TBC1D4: variants seen among roughly 807,000 people sequenced by gnomAD.
TBC1D4 encodes TBC1 domain family member 4, also known as TBC (Tre-2, BUB2, CDC16) domain-containing protein.
A neutral mutation model predicts 142.5 loss-of-function variants in TBC1D4; 121 were observed. The observed-to-expected ratio is 0.85, with a 90% CI of 0.73 to 0.99. The LOEUF is 0.99. TBC1D4 is among the 50% of genes least tolerant of loss of function. The pLI, the probability that TBC1D4 is intolerant of heterozygous loss-of-function variation, is 0.00. For synonymous variants in TBC1D4, 630 were observed against 628.2 expected, an observed-to-expected ratio of 1.00 and a Z score of -0.04; for missense variants, 1,475 against 1,606.6, an observed-to-expected ratio of 0.92 and a Z score of 1.40.
At chr13:75,451,854 A>G (rs1255094902) in intron 1 of TBC1D4, among the ~76,000 whole-genome samples, 5 of 151,470 alleles carry the variant, frequency 3.3e-5, no homozygotes, top group African/African-American at 1.2e-4. Context: ...TAAAAGGAGC[A>G]TTTAACCAAA....
chr13:75,453,731 A>G (rs1218815437), intron 1 of TBC1D4, among the ~76,000 whole-genome samples: 1 of 151,950 alleles, frequency 6.6e-6, no homozygotes, highest in Non-Finnish European at 1.5e-5. Context: ...GGGTGGTGGC[A>G]TGTGCCTGTT....
chr13:75,457,068 G>A (rs1243157823), intron 1 of TBC1D4, among the ~76,000 whole-genome samples: 1 of 151,948 alleles, frequency 6.6e-6, no homozygotes, highest in African/African-American at 2.4e-5. Context: ...ATAAAGTTCA[G>A]GCACAAGCAA....
Position 75,356,162 on chromosome 13 carries a change from A to T in TBC1D4, c.1260T>A (p.Cys420Ter). The T allele has an allele frequency of 2.5e-6, 4 of 1,613,438 alleles. No homozygotes were observed. Residue 420 changes from cysteine (C) to a stop codon, truncating the protein, a stop_gained, in exon 4 of 21, where the codon TGT becomes TGA. Coordinates refer to ENST00000377636, the MANE Select transcript of TBC1D4 (RefSeq NM_014832.5). LOFTEE classifies it high-confidence loss of function. The stretch of plus-strand genomic sequence containing the variant: ...CACTACTTACCAGAGATTCGCTGGC[A>T]CACTGGAATACATAACAAATATACT... ...LSQYICYVFQ[C>*]ASESLVDEVM...
At chr13:75,298,834 G>A (rs2137873171) in intron 17 of TBC1D4, among the ~76,000 whole-genome samples, 1 of 152,096 alleles carries the variant, frequency 6.6e-6, no homozygotes, top group Admixed American at 6.5e-5. Context: ...CTCTGTAAAG[G>A]CCTATCTTAC....
intron 1 of TBC1D4, among the ~76,000 whole-genome samples, chr13:75,449,041 CTT>C (rs1491499145): frequency 1.1e-5 from 1 of 90,872 alleles, no homozygotes; most frequent in Non-Finnish European, 2.8e-5. Context: ...ACATATTTGA[CTT>C]ATATATATAT....
Position 75,318,305 on chromosome 13 carries a change from T to A in TBC1D4, c.2222+1709A>T, listed in dbSNP as rs1254957485. On this transcript the variant is annotated intron_variant, in intron 12 of 20. Transcript: ENST00000377636. ...ACCTGCCTCCTATCCCCCAACCCTC[T>A]GGCACCCAGTTGAAACTCCCAGCAT... Among the ~76,000 whole-genome samples, 18 of 152,204 alleles carry A rather than the reference T, an allele frequency of 1.2e-4. 1 individual carries two copies. Among genetic ancestry groups the A allele is most frequent in the Non-Finnish European group, 7.3e-5 (5 of 68,040 alleles).
At position 75,481,719 on chromosome 13, in the gene TBC1D4, C is replaced by T; in HGVS notation, c.49G>A (p.Glu17Lys). The T allele has an allele frequency of 1.9e-6, 3 of 1,596,900 alleles. No individual in the cohort carries two copies. Among genetic ancestry groups the T allele is most frequent in the Non-Finnish European group, 2.6e-6 (3 of 1,173,880 alleles). ...IQDEPFPHPL[E>K]PEPGVSAQPG... The stretch of plus-strand genomic sequence containing the variant: ...TGAGCTGAGACGCCCGGCTCGGGCT[C>T]CAGGGGGTGCGGGAACGGCTCATCC... Residue 17 changes from glutamate (E) to lysine (K), a missense_variant, in exon 1 of 21, where the codon GAG (glutamate) becomes AAG (lysine). By Grantham distance (56) the Glu-to-Lys change is moderately conservative (BLOSUM62 1). Coordinates refer to ENST00000377636, the MANE Select transcript of TBC1D4 (RefSeq NM_014832.5).
At chr13:75,421,912 C>T (rs547392377) in intron 1 of TBC1D4, among the ~76,000 whole-genome samples, 82 of 152,296 alleles carry the variant, frequency 5.4e-4, no homozygotes, top group African/African-American at 1.9e-3. Context: ...ATTTCCTCCC[C>T]ATACATGGTG....
intron 1 of TBC1D4, among the ~76,000 whole-genome samples, chr13:75,425,045 G>A (rs746173825): frequency 2.6e-5 from 4 of 151,860 alleles, no homozygotes; most frequent in South Asian, 2.1e-4. Context: ...AAAATTACCC[G>A]AGTGAAGAGA....
At chr13:75,476,770 T>C (rs2138348485) in intron 1 of TBC1D4, among the ~76,000 whole-genome samples, 1 of 152,156 alleles carries the variant, frequency 6.6e-6, no homozygotes, top group South Asian at 2.1e-4. Context: ...TAGCACAGGG[T>C]TTCTAAAACT....
At chr13:75,379,470 C>T (rs914627202) in intron 1 of TBC1D4, among the ~76,000 whole-genome samples, 1 of 152,074 alleles carries the variant, frequency 6.6e-6, no homozygotes, top group Non-Finnish European at 1.5e-5. Flanking sequence ...CCACTAAATA[C>T]CCCATGTCTG....
At chr13:75,331,720 A>G (rs1257942804) in intron 8 of TBC1D4, among the ~76,000 whole-genome samples, 1 of 152,142 alleles carries the variant, frequency 6.6e-6, no homozygotes. Context: ...GCATTTAAAA[A>G]ATGGATCCTA....
chr13:75,384,561 GAA>G (rs11452903), intron 1 of TBC1D4, among the ~76,000 whole-genome samples: 2 of 130,190 alleles, frequency 1.5e-5, no homozygotes, highest in South Asian at 4.8e-4. Flanking sequence ...AAAGATAAAG[GAA>G]AAAAAAAAAG....
Position 75,448,049 on chromosome 13 carries a change from C to T in TBC1D4, c.498+33221G>A, listed in dbSNP as rs551386628. Reference sequence around the variant, plus strand: ...TCTTGAATCATCCCAAAACCATCCCCGCCACCAGTCCACAGAAAAATTATC... The same window carrying T: ...TCTTGAATCATCCCAAAACCATCCCTGCCACCAGTCCACAGAAAAATTATC... On this transcript the variant is annotated intron_variant, in intron 1 of 20. Transcript: ENST00000377636. 1.8e-4 allele frequency among the ~76,000 whole-genome samples: 27 copies of T among 152,204 alleles called. No homozygotes were observed. In the South Asian group the frequency reaches 4.4e-3, roughly 25 times the overall value.
chr13:75,463,807 A>C (rs1004365499), intron 1 of TBC1D4, among the ~76,000 whole-genome samples: 3 of 152,176 alleles, frequency 2.0e-5, no homozygotes, highest in Non-Finnish European at 2.9e-5. Flanking sequence ...TGTTTCTCCC[A>C]CATTCCCCCA....
Position 75,292,169 on chromosome 13 carries a change from A to G in TBC1D4, c.3419T>C (p.Ile1140Thr), listed in dbSNP as rs764587731. The G allele has an allele frequency of 2.5e-6, 4 of 1,613,350 alleles. No individual in the cohort carries two copies. The highest frequency in any genetic ancestry group is 2.7e-5 in the African/African-American group (2 of 74,906). Residue 1140 changes from isoleucine (I) to threonine (T), a missense_variant, in exon 19 of 21, where the codon ATT becomes ACT. Ile to Thr is a moderately conservative substitution (Grantham distance 89). Transcript: ENST00000377636. ...TAGCGTGTTTTTAAGAAACTCAACA[A>G]TATTTTCAAAGCTCTCACATTCCAT... ...LIMECESFEN[I>T]VEFLKNTLPD... is the part of the protein sequence containing the mutation.
At chr13:75,431,235 T>G (rs1478502708) in intron 1 of TBC1D4, among the ~76,000 whole-genome samples, 2 of 152,234 alleles carry the variant, frequency 1.3e-5, no homozygotes, top group Non-Finnish European at 2.9e-5. Flanking sequence ...ATGAACAACC[T>G]GAGTTTTGGC....
At chr13:75,306,544 T>C (rs1593895692) in intron 14 of TBC1D4, 73 bp from the exon 15 acceptor site, 2 of 1,565,038 alleles carry the variant, frequency 1.3e-6, no homozygotes, top group African/African-American at 1.4e-5. Flanking sequence ...TGATTGTATT[T>C]GTAAAACCAT....
intron 1 of TBC1D4, among the ~76,000 whole-genome samples, chr13:75,390,600 G>C (rs1884421337): frequency 6.6e-6 from 1 of 152,050 alleles, no homozygotes; most frequent in South Asian, 2.1e-4. Context: ...AAGGGAACTG[G>C]AATCTAACGC....
Sources: gnomAD v4.1 joint callset for allele counts (sites outside exome capture counted in the v4.1 genomes callset) on GRCh38, gnomAD v4.1.1 for gene constraint, MANE v1.5 for transcripts, NCBI Gene and HGNC (gene_info 2026-07-23, HGNC 2026-07-21) for gene names.